Variants in NETO1 observed in about 807,000 individuals in gnomAD.
NETO1 encodes the protein neuropilin and tolloid-like protein 1.
A neutral mutation model predicts 61.3 loss-of-function variants in NETO1; 26 were observed. The observed-to-expected ratio is 0.42, with a 90% CI of 0.31 to 0.59. The LOEUF (loss-of-function observed/expected upper bound fraction) is 0.59, where lower values mean the gene tolerates loss of function less well. Ranked by LOEUF, NETO1 falls within the 20% of genes least tolerant of loss-of-function variation. The pLI is 0.12. For synonymous variants in NETO1, 225 were observed against 225.8 expected (o/e 1.00, Z 0.03); for missense variants, 531 against 662.8 (o/e 0.80, Z 2.18).
At chr18:72,797,168 A>C (rs1383446693) in intron 4 of NETO1, among the ~76,000 whole-genome samples, 3 of 152,164 alleles carry the variant, frequency 2.0e-5, no homozygotes, top group African/African-American at 7.2e-5. Context: ...TCTTGATTAG[A>C]AGGTTTCAGC....
chr18:72,749,630 T>C (rs892624108), intron 9 of NETO1, among the ~76,000 whole-genome samples: 1 of 152,122 alleles, frequency 6.6e-6, no homozygotes, highest in African/African-American at 2.4e-5. Flanking sequence ...GGGATTAAAA[T>C]TGTCCATCAA....
intron 4 of NETO1, among the ~76,000 whole-genome samples, chr18:72,795,305 C>A (rs2072273415): frequency 1.3e-5 from 2 of 152,232 alleles, no homozygotes; most frequent in African/African-American, 4.8e-5. Flanking sequence ...TTTTCTGGCT[C>A]TCATTGCAGT....
chr18:72,836,960 A>T (rs754473874), intron 4 of NETO1, among the ~76,000 whole-genome samples: 21 of 152,208 alleles, frequency 1.4e-4, no homozygotes, highest in Non-Finnish European at 2.8e-4. Context: ...AGCACATGAG[A>T]AGTTTTAGAA....
chr18:72,834,038 A>T, intron 4 of NETO1: 1 of 808,538 alleles, frequency 1.2e-6, no homozygotes, highest in Non-Finnish European at 1.5e-6. Context: ...ATATATTTTC[A>T]TTTAGATACT....
intron 4 of NETO1, among the ~76,000 whole-genome samples, chr18:72,811,844 G>A (rs1237949798): frequency 1.3e-5 from 2 of 152,164 alleles, no homozygotes; most frequent in African/African-American, 4.8e-5. Flanking sequence ...TGAATCCATG[G>A]ATTTGGGGTT....
At chr18:72,766,111 G>A (rs898457381) in intron 7 of NETO1, among the ~76,000 whole-genome samples, 11 of 151,836 alleles carry the variant, frequency 7.2e-5, no homozygotes, top group South Asian at 2.1e-4. Context: ...GAGGCTGAGC[G>A]GGGAGAATCG....
intron 4 of NETO1, among the ~76,000 whole-genome samples, chr18:72,831,073 C>T (rs916074432): frequency 2.0e-5 from 3 of 152,170 alleles, no homozygotes; most frequent in Non-Finnish European, 4.4e-5. Context: ...CTCTTCTGGC[C>T]AGCCATTTCA....
At chr18:72,832,086 T>C (rs1285825651) in intron 4 of NETO1, among the ~76,000 whole-genome samples, 1 of 152,210 alleles carries the variant, frequency 6.6e-6, no homozygotes, top group Non-Finnish European at 1.5e-5. Flanking sequence ...GATTTTCAAT[T>C]ATTTGTTAAC....
chr18:72,818,366 T>G (rs968276064), intron 4 of NETO1, among the ~76,000 whole-genome samples: 2 of 152,174 alleles, frequency 1.3e-5, no homozygotes, highest in Non-Finnish European at 2.9e-5. Flanking sequence ...TAAAACAGAT[T>G]CTGCCTATGG....
intron 4 of NETO1, among the ~76,000 whole-genome samples, chr18:72,809,210 C>CA (rs1417652726): frequency 2.0e-5 from 3 of 151,436 alleles, no homozygotes; most frequent in Non-Finnish European, 4.4e-5. Flanking sequence ...ATTAAAAAGG[C>CA]AAAAAAATAT....
intron 4 of NETO1, among the ~76,000 whole-genome samples, chr18:72,806,484 A>G (rs183676446): frequency 2.8e-4 from 43 of 152,172 alleles, no homozygotes; most frequent in African/African-American, 9.6e-4. Context: ...TGGCATATCA[A>G]TTATCTTCCT....
At chr18:72,753,564 G>C (rs1181767364) in intron 8 of NETO1, among the ~76,000 whole-genome samples, 1 of 152,200 alleles carries the variant, frequency 6.6e-6, no homozygotes, top group East Asian at 1.9e-4. Flanking sequence ...TTGAAAACCA[G>C]TGAGTTCAGA....
At chr18:72,828,050 C>A (rs987844335) in intron 4 of NETO1, among the ~76,000 whole-genome samples, 1 of 152,176 alleles carries the variant, frequency 6.6e-6, no homozygotes, top group African/African-American at 2.4e-5. Flanking sequence ...TGGTGGCTCA[C>A]GCCTGTAATC....
At chr18:72,826,772 G>A (rs1458567182) in intron 4 of NETO1, among the ~76,000 whole-genome samples, 4 of 152,088 alleles carry the variant, frequency 2.6e-5, no homozygotes, top group African/African-American at 4.8e-5. Context: ...CACAACTCAG[G>A]AAACTGTCTG....
chr18:72,846,164 G>A (rs994674798), intron 4 of NETO1, among the ~76,000 whole-genome samples: 3 of 151,346 alleles, frequency 2.0e-5, no homozygotes, highest in Non-Finnish European at 2.9e-5. Context: ...AGAGCCAAGA[G>A]GAGCAAGCAG....
intron 4 of NETO1, among the ~76,000 whole-genome samples, chr18:72,808,003 ACT>A (rs774438753): frequency 0.093 from 14,211 of 152,244 alleles, 870 homozygotes; most frequent in Middle Eastern, 0.21. Context: ...TTTCACTAGA[ACT>A]GGTTTAATAG....
chr18:72,763,045 C>G (rs1335229286), intron 7 of NETO1, among the ~76,000 whole-genome samples: 2 of 151,994 alleles, frequency 1.3e-5, no homozygotes, highest in Non-Finnish European at 2.9e-5. Context: ...TGTGGATTAA[C>G]ACTGTTTCAA....
rs547454811 is a variant in NETO1, at chr18:72,750,154, C to T, written c.1449G>A (p.Ser483=). Residue 483 remains serine, a synonymous_variant, in exon 9 of 11, where the codon TCG becomes TCA. Transcript: ENST00000327305. Reference sequence around the variant, plus strand: ...TGTCACAGGCATCTGCAGCATCTTGCGAGTAGCTGTGTTTCATGACAAGGA... The same window carrying T: ...TGTCACAGGCATCTGCAGCATCTTGTGAGTAGCTGTGTTTCATGACAAGGA... ...RNILVMKHSY[S]QDAADACDID... 35 of 1,613,874 alleles carry T rather than the reference C, an allele frequency of 2.2e-5. No individual in the cohort carries two copies. The highest frequency in any genetic ancestry group is 3.3e-5 in the South Asian group (3 of 91,068).
chr18:72,789,150 C>T (rs1367018323), intron 6 of NETO1, among the ~76,000 whole-genome samples: 2 of 150,246 alleles, frequency 1.3e-5, no homozygotes, highest in Non-Finnish European at 3.0e-5. Flanking sequence ...ATCAATGTTC[C>T]CTTTATTTTT....
Sources: gnomAD v4.1 joint callset for allele counts (sites outside exome capture counted in the v4.1 genomes callset) on GRCh38, gnomAD v4.1.1 for gene constraint, MANE v1.5 for transcripts, NCBI Gene and HGNC (gene_info 2026-07-23, HGNC 2026-07-21) for gene names.